The following TRDMT1 variants were observed in gnomAD, a reference collection of about 807,000 sequenced individuals.
TRDMT1 encodes the protein tRNA (cytosine(38)-C(5))-methyltransferase.
TRDMT1 carries 49 observed loss-of-function variants against 51.2 expected under a neutral mutation model. The ratio of observed to expected loss-of-function variants is 0.96; its 90% CI spans 0.76 to 1.21. The LOEUF (loss-of-function observed/expected upper bound fraction) is 1.21, where lower values mean the gene tolerates loss of function less well. TRDMT1 is among the 50% of genes most tolerant of loss of function. The probability of loss-of-function intolerance (pLI) is 0.00; values close to 1 mark genes in which losing one functional copy is unlikely to be tolerated. For synonymous variants in TRDMT1, 187 were observed against 164.6 expected (o/e 1.14, Z -1.04); for missense variants, 534 against 462.3 (o/e 1.16, Z -1.42).
At chr10:17,174,942 A>G (rs571017019) in intron 1 of TRDMT1, among the ~76,000 whole-genome samples, 3 of 152,348 alleles carry the variant, frequency 2.0e-5, no homozygotes, top group Admixed American at 6.5e-5. Context: ...TCATTAAGAG[A>G]CACACTTATA....
intron 1 of TRDMT1, among the ~76,000 whole-genome samples, chr10:17,187,204 A>G (rs1844055198): frequency 6.6e-6 from 1 of 152,220 alleles, no homozygotes; most frequent in South Asian, 2.1e-4. Context: ...ATAAATGAAT[A>G]TTTTCAGTGT....
intron 3 of TRDMT1, among the ~76,000 whole-genome samples, chr10:17,165,686 A>C (rs1432217500): frequency 7.9e-5 from 12 of 152,146 alleles, no homozygotes; most frequent in Non-Finnish European, 1.3e-4. Flanking sequence ...AAAAAACAAA[A>C]AACCCCATCA....
Position 17,157,463 on chromosome 10 carries a change from T to C in TRDMT1, c.865A>G (p.Arg289Gly), listed in dbSNP as rs765352851. ...LLDIVQPTCR[R>G]SVCFTKGYGS... ...TACCCTTTGGTAAAGCACACGGACCTTCTACAAGTGGGCTGAACAATGTCT... is the reference window on the plus strand; with the variant it reads ...TACCCTTTGGTAAAGCACACGGACCCTCTACAAGTGGGCTGAACAATGTCT... The change falls in exon 8 of 11, where the codon AGG (arginine) becomes GGG (glycine). Residue 289 changes from arginine to glycine, a missense_variant. Physicochemically the swap from Arg to Gly is moderately radical, Grantham distance 125. Transcript: ENST00000377799. 5.6e-6 allele frequency: 9 copies of C among 1,609,700 alleles called. No homozygotes were observed. The highest frequency in any genetic ancestry group is 7.7e-6 in the Non-Finnish European group (9 of 1,176,246).
chr10:17,139,317 G>A lies in TRDMT1; in HGVS notation c.*9723C>T. On this transcript the variant is annotated 3_prime_UTR_variant, in exon 11 of 11. Transcript: ENST00000377799. Reference sequence around the variant, plus strand: ...GATAATCAAAGGAAAATGTCTGATTGCACTCAGACTTCAGCATGAATGACA... The same window carrying A: ...GATAATCAAAGGAAAATGTCTGATTACACTCAGACTTCAGCATGAATGACA... The A allele has an allele frequency of 1.8e-6, 1 of 555,310 alleles. No individual in the cohort carries two copies. Among genetic ancestry groups the A allele is most frequent in the Non-Finnish European group, 2.3e-6 (1 of 436,684 alleles). 34.4% of individuals were successfully genotyped at this position (555,310 alleles called of 1,614,324 possible). A position where few individuals can be genotyped will look rare whatever the true frequency, so the allele number is the denominator to read the frequency against.
chr10:17,145,196 G>A lies in TRDMT1; in HGVS notation c.*3844C>T, dbSNP rs971299725. The A allele has an allele frequency of 7.0e-5, 56 of 797,726 alleles. No homozygotes were observed. Among genetic ancestry groups the A allele is most frequent in the Non-Finnish European group, 8.3e-5 (55 of 658,902 alleles). The allele number at this position is 797,726 out of a possible 1,614,324, so 49.4% of individuals were successfully genotyped here. On this transcript the variant is annotated 3_prime_UTR_variant, in exon 11 of 11. Coordinates refer to ENST00000377799, the MANE Select transcript of TRDMT1 (RefSeq NM_004412.7). ...CAGGAGGGGGAGATTGCAGTGAGCC[G>A]AGATCACGCCACTGCACTCCAGCCT...
At chr10:17,175,742 A>G (rs1588611402) in intron 1 of TRDMT1, among the ~76,000 whole-genome samples, 1 of 152,024 alleles carries the variant, frequency 6.6e-6, no homozygotes, top group African/African-American at 2.4e-5. Flanking sequence ...ATAAAAGCAG[A>G]CCACAGGAGA....
At chr10:17,164,942 G>T (rs1306277999) in intron 3 of TRDMT1, among the ~76,000 whole-genome samples, 2 of 152,128 alleles carry the variant, frequency 1.3e-5, no homozygotes, top group African/African-American at 4.8e-5. Flanking sequence ...TGGCCACATT[G>T]CCCAAGGTAA....
At chr10:17,176,439 C>CA (rs1162509413) in intron 1 of TRDMT1, among the ~76,000 whole-genome samples, 1 of 152,004 alleles carries the variant, frequency 6.6e-6, no homozygotes, top group African/African-American at 2.4e-5. Context: ...TAAAAACTGA[C>CA]AAAAATCAAC....
chr10:17,191,747 AGT>A (rs1844715164), intron 1 of TRDMT1, among the ~76,000 whole-genome samples: 1 of 152,028 alleles, frequency 6.6e-6, no homozygotes, highest in Non-Finnish European at 1.5e-5. Flanking sequence ...GGAGGGAGAG[AGT>A]GTATCTTCTG....
At chr10:17,180,189 C>T (rs898580472) in intron 1 of TRDMT1, among the ~76,000 whole-genome samples, 1 of 152,190 alleles carries the variant, frequency 6.6e-6, no homozygotes, top group African/African-American at 2.4e-5. Context: ...CTAGATACTA[C>T]GTTTAAAATA....
intron 10 of TRDMT1, chr10:17,150,489 C>G (rs1219511332): frequency 1.0e-6 from 1 of 985,246 alleles, no homozygotes; most frequent in African/African-American, 1.7e-5. Flanking sequence ...CCCTTATATG[C>G]TGGAAGAAGG....
intron 2 of TRDMT1, 119 bp from the exon 3 acceptor site, chr10:17,169,036 C>T (rs1841610190): frequency 2.9e-6 from 2 of 696,168 alleles, no homozygotes; most frequent in Non-Finnish European, 2.3e-6. Context: ...TAATACAATG[C>T]TTGTCAAATC....
intron 3 of TRDMT1, among the ~76,000 whole-genome samples, chr10:17,166,342 G>A (rs984434550): frequency 5.5e-5 from 8 of 144,322 alleles, no homozygotes; most frequent in East Asian, 4.3e-4. Flanking sequence ...GACACAGGAC[G>A]GGGAACATCA....
chr10:17,141,986 T>G lies in TRDMT1; in HGVS notation c.*7054A>C, dbSNP rs1837728016. ...TGCCATTTATTTCTATTCTTAAAAA[T>G]TGGCATATAGTGCACCTACCATAAT... On this transcript the variant is annotated 3_prime_UTR_variant, in exon 11 of 11. Transcript: ENST00000377799. Among the ~76,000 whole-genome samples, 1 of 152,256 alleles carries G rather than the reference T, an allele frequency of 6.6e-6. No individual in the cohort carries two copies. The highest frequency in any genetic ancestry group is 1.5e-5 in the Non-Finnish European group (1 of 68,040).
intron 1 of TRDMT1, among the ~76,000 whole-genome samples, chr10:17,179,396 C>T (rs1258794778): frequency 1.3e-5 from 2 of 152,034 alleles, no homozygotes; most frequent in East Asian, 3.8e-4. Context: ...ACCTCAATTT[C>T]CAAGGGCATA....
rs1838333835 is a variant in TRDMT1 at position 17,148,803 on chromosome 10, G to C, written c.*237C>G. 9.3e-7 allele frequency: 1 copy of C among 1,079,730 alleles called. No homozygotes were observed. The highest frequency in any genetic ancestry group is 5.0e-5 in the East Asian group (1 of 19,978). The allele number at this position is 1,079,730 out of a possible 1,614,324, so 66.9% of individuals were successfully genotyped here. On this transcript the variant is annotated 3_prime_UTR_variant, in exon 11 of 11. Transcript: ENST00000377799. Reference sequence around the variant, plus strand: ...GAATATTCCACATATATATTTATCAGTTTCATATGAAAATATACTCTCCAT... The same window carrying C: ...GAATATTCCACATATATATTTATCACTTTCATATGAAAATATACTCTCCAT...
chr10:17,196,475 C>G (rs184922855), intron 1 of TRDMT1, among the ~76,000 whole-genome samples: 10 of 152,352 alleles, frequency 6.6e-5, no homozygotes, highest in African/African-American at 2.2e-4. Flanking sequence ...ACCTTGCAGG[C>G]TCCACTGATA....
rs1837719893 is a variant in TRDMT1 at position 17,141,867 on chromosome 10, A to G, written c.*7173T>C. Among the ~76,000 whole-genome samples, 1 of 152,262 alleles carries G rather than the reference A, an allele frequency of 6.6e-6. No homozygotes were observed. Among genetic ancestry groups the G allele is most frequent in the Non-Finnish European group, 1.5e-5 (1 of 68,054 alleles). On this transcript the variant is annotated 3_prime_UTR_variant, in exon 11 of 11. Coordinates refer to ENST00000377799, the MANE Select transcript of TRDMT1 (RefSeq NM_004412.7). Reference sequence around the variant, plus strand: ...ACATCATAATTAAATTTCTGAAAATAAAGTTAATGTAACAGACAAAATGTC... The same window carrying G: ...ACATCATAATTAAATTTCTGAAAATGAAGTTAATGTAACAGACAAAATGTC...
At chr10:17,155,123 A>G (rs1353661555) in intron 8 of TRDMT1, among the ~76,000 whole-genome samples, 2 of 152,050 alleles carry the variant, frequency 1.3e-5, no homozygotes, top group Non-Finnish European at 2.9e-5. Flanking sequence ...CTGAGGTAGG[A>G]GAATCTCTTG....
Sources: allele counts gnomAD v4.1 joint callset (sites outside exome capture counted in the v4.1 genomes callset), GRCh38; gene constraint gnomAD v4.1.1; transcripts MANE v1.5; gene names NCBI Gene and HGNC (gene_info 2026-07-23, HGNC 2026-07-21).